Variants in RIC3 observed in about 807,000 individuals in gnomAD.
The protein encoded by RIC3 is RIC3 acetylcholine receptor chaperone.
Under a neutral mutation model 27.3 loss-of-function variants are expected in RIC3, and 28 were observed. That is an observed-to-expected ratio of 1.02 (90% CI 0.76 to 1.41). RIC3 has a LOEUF of 1.41. Among genes scored for constraint, RIC3 ranks in the 40% most tolerant of loss-of-function variants. RIC3 has a pLI of 0.00. For synonymous variants in RIC3, 184 were observed against 160.4 expected, an observed-to-expected ratio of 1.15 and a Z score of -1.11; for missense variants, 501 against 444.7, an observed-to-expected ratio of 1.13 and a Z score of -1.14.
At chr11:8,100,081 G>A in the RIC3 span, among the ~76,000 whole-genome samples, 2 of 152,098 alleles carry the variant, frequency 1.3e-5, no homozygotes, top group East Asian at 1.9e-4. Context: ...GAATAGGAGG[G>A]CCAACAACAG....
At chr11:8,095,801 G>T in the RIC3 span, 48 of 964,748 alleles carry the variant, frequency 5.0e-5, no homozygotes, top group South Asian at 8.7e-4. Flanking sequence ...GCACACTTCG[G>T]AGACAAATGA....
At chr11:8,132,031 T>A (rs558214859) in intron 4 of RIC3, among the ~76,000 whole-genome samples, 18 of 151,472 alleles carry the variant, frequency 1.2e-4, no homozygotes, top group African/African-American at 4.1e-4. Flanking sequence ...ATTCCAGGAA[T>A]TCATGGCAAA....
intron 1 of RIC3, 29 bp from the exon 2 acceptor site, chr11:8,140,222 C>G (rs746723348): frequency 6.3e-7 from 1 of 1,583,514 alleles, no homozygotes; most frequent in South Asian, 1.1e-5. Flanking sequence ...CTTTTTATCT[C>G]TTCTACTATT....
At chr11:8,116,973 C>A (rs1450805419) in intron 5 of RIC3, among the ~76,000 whole-genome samples, 2 of 152,222 alleles carry the variant, frequency 1.3e-5, no homozygotes, top group African/African-American at 4.8e-5. Context: ...TTCACTGCAG[C>A]ATTATTCACA....
the RIC3 span, chr11:8,097,190 G>T: frequency 1.2e-6 from 2 of 1,610,494 alleles, no homozygotes; most frequent in Non-Finnish European, 8.5e-7. Flanking sequence ...GCTGCTTAGG[G>T]TCCTTGGGGC....
chr11:8,142,876 C>G (rs1304035730), intron 1 of RIC3, among the ~76,000 whole-genome samples: 2 of 90,572 alleles, frequency 2.2e-5, no homozygotes, highest in Non-Finnish European at 3.7e-5. Flanking sequence ...GTTCAATATA[C>G]GCAAATCAAT....
At chr11:8,139,817 CT>C in intron 2 of RIC3, 149 bp downstream of exon 2, 1 of 695,380 alleles carries the variant, frequency 1.4e-6, no homozygotes, top group Non-Finnish European at 2.4e-6. Context: ...AATGGCTATC[CT>C]AAGTACCTCA....
chr11:8,109,100 T>C lies in RIC3; in HGVS notation c.*1598A>G, dbSNP rs1944972536. On this transcript the variant is annotated 3_prime_UTR_variant, in exon 6 of 6. Transcript: ENST00000309737. ...TGCTTTCTATAAACTCAGTCTTGAA[T>C]GACTTTCTGTAACTCAATTAACAAT... The C allele has an allele frequency of 1.3e-5, 2 of 152,374 alleles. No homozygotes were observed. The highest frequency in any genetic ancestry group is 3.9e-4 in the East Asian group (2 of 5,188). 9.4% of individuals were successfully genotyped at this position (152,374 alleles called of 1,614,324 possible).
At chr11:8,135,140 A>G (rs1045064112) in intron 4 of RIC3, among the ~76,000 whole-genome samples, 6 of 152,218 alleles carry the variant, frequency 3.9e-5, no homozygotes, top group African/African-American at 1.4e-4. Context: ...TCTTTAAACC[A>G]TCTTGAATTA....
At chr11:8,158,896 A>C (rs947180777) in intron 1 of RIC3, among the ~76,000 whole-genome samples, 1 of 147,846 alleles carries the variant, frequency 6.8e-6, no homozygotes, top group East Asian at 2.1e-4. Context: ...CCATGCCCAG[A>C]GAATTTTTGT....
At chr11:8,120,183 T>C (rs1946286887) in intron 5 of RIC3, among the ~76,000 whole-genome samples, 3 of 152,318 alleles carry the variant, frequency 2.0e-5, no homozygotes. Context: ...GGCAATCCCA[T>C]TACTGGGTAT....
the RIC3 span, chr11:8,098,914 G>T: frequency 2.7e-6 from 4 of 1,461,960 alleles, no homozygotes; most frequent in Non-Finnish European, 3.8e-6. Flanking sequence ...TTCCAAGGTA[G>T]ATATGAAATC....
chr11:8,149,796 G>A (rs184937959), intron 1 of RIC3, among the ~76,000 whole-genome samples: 4 of 152,212 alleles, frequency 2.6e-5, no homozygotes, highest in South Asian at 2.1e-4. Context: ...CGCAAACCAC[G>A]ATTAGCCTTT....
chr11:8,097,833 G>A, the RIC3 span: 2 of 1,610,410 alleles, frequency 1.2e-6, no homozygotes, highest in Admixed American at 3.3e-5. Flanking sequence ...TGCGGTACTA[G>A]CATTCCCCCA....
chr11:8,111,151 T>G lies in RIC3; in HGVS notation c.671-14A>C. 1.3e-6 allele frequency: 2 copies of G among 1,533,732 alleles called. No homozygotes were observed. The highest frequency in any genetic ancestry group is 1.8e-6 in the Non-Finnish European group (2 of 1,135,070). ...CTTCAGGGTAACCTAGAGAGAAAAG[T>G]AGCACAAAGTATTACAAAGAATGTC... On this transcript the variant is annotated splice_polypyrimidine_tract_variant and intron_variant, in intron 5 of 5. Transcript: ENST00000309737.
At chr11:8,165,175 C>G (rs563941667) in intron 1 of RIC3, among the ~76,000 whole-genome samples, 39 of 152,050 alleles carry the variant, frequency 2.6e-4, no homozygotes, top group African/African-American at 8.4e-4. Context: ...GGAATGCTCA[C>G]ATTTTCCAAA....
At chr11:8,130,144 G>C (rs1483478255) in intron 4 of RIC3, among the ~76,000 whole-genome samples, 3 of 152,182 alleles carry the variant, frequency 2.0e-5, no homozygotes, top group Admixed American at 6.5e-5. Flanking sequence ...TCCATTCATA[G>C]TGCAAAGATT....
chr11:8,165,766 GT>G (rs1169873326), intron 1 of RIC3, among the ~76,000 whole-genome samples: 22 of 124,008 alleles, frequency 1.8e-4, no homozygotes, highest in East Asian at 7.7e-4. Context: ...GTTTTTTGGG[GT>G]TTTTTTTTTG....
intron 5 of RIC3, 114 bp downstream of exon 5, chr11:8,126,545 G>C (rs1165197447): frequency 8.3e-7 from 1 of 1,211,268 alleles, no homozygotes; most frequent in Non-Finnish European, 1.1e-6. Flanking sequence ...TTTAAAACTG[G>C]TTAATATTAC....
Sources: gnomAD v4.1 joint callset for allele counts (sites outside exome capture counted in the v4.1 genomes callset) on GRCh38, gnomAD v4.1.1 for gene constraint, MANE v1.5 for transcripts, NCBI Gene and HGNC (gene_info 2026-07-23, HGNC 2026-07-21) for gene names.